The following TSPAN6 variants were observed in gnomAD, a reference collection of about 807,000 sequenced individuals.
TSPAN6 encodes the protein tetraspanin 6, also known as tetraspanin-6.
TSPAN6 carries 13 observed loss-of-function variants against 18.0 expected under a neutral mutation model. The ratio of observed to expected loss-of-function variants is 0.72; its 90% CI spans 0.47 to 1.15. The LOEUF is 1.15. Among genes scored for constraint, TSPAN6 ranks in the 50% most tolerant of loss-of-function variants. The pLI, the probability that TSPAN6 is intolerant of heterozygous loss-of-function variation, is 0.00. For missense variants in TSPAN6, 186 were observed against 183.9 expected (o/e 1.01, Z -0.07); for synonymous variants, 82 against 67.0 (o/e 1.22, Z -1.09).
At chrX:100,636,904 T>G, upstream of TSPAN6, 4 of 315,878 alleles carry the variant, frequency 1.3e-5, no homozygotes, top group Non-Finnish European at 2.2e-5. Context: ...TGCCGAAGGT[T>G]ACCGAAAACT....
intron 5 of TSPAN6, among the ~76,000 whole-genome samples, chrX:100,633,200 T>A (rs751162370): frequency 1.8e-5 from 2 of 111,058 alleles, no homozygotes; most frequent in Non-Finnish European, 3.8e-5. Flanking sequence ...GCACCTGTAG[T>A]TCCAGCTACT....
chrX:100,637,102 G>A (rs2083102028), upstream of TSPAN6: 1 of 103,474 alleles, frequency 9.7e-6, no homozygotes, highest in Non-Finnish European at 1.9e-5. Flanking sequence ...GGCCCCTGGT[G>A]CCCTAGAGAG....
At chrX:100,635,391 A>C in intron 2 of TSPAN6, 139 bp from the exon 3 acceptor site, 1 of 640,481 alleles carries the variant, frequency 1.6e-6, no homozygotes, top group Non-Finnish European at 2.4e-6. Context: ...AAATAACAAC[A>C]TGTCTATTTT....
At position 100,632,539 on chromosome X, in the gene TSPAN6, T is replaced by G; in HGVS notation, c.615A>C (p.Ile205=). The change falls in exon 6 of 8, where the codon ATA becomes ATC. Residue 205 remains isoleucine (I), a synonymous_variant. Transcript: ENST00000373020. ...CTGCAACGACTCCCATTTCTGACTC[T>G]ATAATGGTCATCACCTTTATAAAAC... is the stretch of plus-strand genomic sequence containing the variant. ...EGCFIKVMTI[I]ESEMGVVAGI... The G allele has an allele frequency of 1.7e-6, 2 of 1,208,334 alleles. No homozygotes were observed. Among genetic ancestry groups the G allele is most frequent in the Non-Finnish European group, 2.2e-6 (2 of 892,900 alleles).
chrX:100,635,886 TAGG>T, intron 1 of TSPAN6, 140 bp from the exon 2 acceptor site: 1 of 421,664 alleles, frequency 2.4e-6, no homozygotes, highest in Non-Finnish European at 3.6e-6. Context: ...TAGAAGGGGT[TAGG>T]GGGGGATCTG....
rs2083047646 is a variant in TSPAN6 at position 100,629,879 on chromosome X, T to A, written c.*147A>T. ...TGGTGTAGTTTTAGGTCTACATACA[T>A]CTTGATTGAATCAACCTACTGGTGT... is the stretch of plus-strand genomic sequence containing the variant. On this transcript the variant is annotated 3_prime_UTR_variant, in exon 8 of 8. Transcript: ENST00000373020. 2.1e-6 allele frequency: 1 copy of A among 477,630 alleles called. No homozygotes were observed. The highest frequency in any genetic ancestry group is 2.6e-6 in the Non-Finnish European group (1 of 386,537). 39.4% of individuals were successfully genotyped at this position (477,630 alleles called of 1,213,427 possible).
Position 100,628,014 on chromosome X carries a change from G to A in TSPAN6, c.*2012C>T, listed in dbSNP as rs931715345. 1.8e-5 allele frequency: 2 copies of A among 110,438 alleles called. No individual in the cohort carries two copies. Among genetic ancestry groups the A allele is most frequent in the Non-Finnish European group, 1.9e-5 (1 of 52,839 alleles). The allele number at this position is 110,438 out of a possible 1,213,427, so 9.1% of individuals were successfully genotyped here. A position where few individuals can be genotyped will look rare whatever the true frequency, so the allele number is the denominator to read the frequency against. Reference sequence around the variant, plus strand: ...TTTATTAGAGACGGTGTTTTACCATGTTGGCCAGGCTGGTCTAGAACTCCT... The same window carrying A: ...TTTATTAGAGACGGTGTTTTACCATATTGGCCAGGCTGGTCTAGAACTCCT... On this transcript the variant is annotated 3_prime_UTR_variant, in exon 8 of 8. Transcript: ENST00000373020.
At position 100,627,975 on chromosome X, in the gene TSPAN6, C is replaced by A. The variant is rs1239060423; in HGVS notation, c.*2051G>T. 9.1e-6 allele frequency: 1 copy of A among 109,849 alleles called. No individual in the cohort carries two copies. Among genetic ancestry groups the A allele is most frequent in the Non-Finnish European group, 1.9e-5 (1 of 52,687 alleles). The allele number at this position is 109,849 out of a possible 1,213,427, so 9.1% of individuals were successfully genotyped here. A position where few individuals can be genotyped will look rare whatever the true frequency, so the allele number is the denominator to read the frequency against. ...TACAGGTGCTTGCCACCACACCCAG[C>A]TAATTTTTGCATTTTTATTAGAGAC... On this transcript the variant is annotated 3_prime_UTR_variant, in exon 8 of 8. Transcript: ENST00000373020.
intron 6 of TSPAN6, chrX:100,632,100 A>C (rs1026302738): frequency 1.4e-5 from 2 of 147,255 alleles, no homozygotes; most frequent in Non-Finnish European, 2.6e-5. Context: ...GCAAAAACTT[A>C]TAAGCCTTAA....
At chrX:100,632,715 G>A (rs959876523) in intron 5 of TSPAN6, 147 bp from the exon 6 acceptor site, 56 of 436,555 alleles carry the variant, frequency 1.3e-4, no homozygotes, top group Non-Finnish European at 8.4e-5. Context: ...GCAGAAAGAT[G>A]TATGTATCAT....
At chrX:100,635,335 C>A in intron 2 of TSPAN6, 83 bp from the exon 3 acceptor site, 1 of 762,587 alleles carries the variant, frequency 1.3e-6, no homozygotes, top group South Asian at 2.6e-5. Context: ...AAATAATGGT[C>A]GTCTTCTCAA....
chrX:100,636,815 C>T, upstream of TSPAN6: 15 of 776,746 alleles, frequency 1.9e-5, no homozygotes, highest in South Asian at 1.2e-4. Context: ...CTGAGAAGGG[C>T]CGGAAACACT....
chrX:100,632,639 A>G, intron 5 of TSPAN6, 71 bp from the exon 6 acceptor site: 2 of 669,612 alleles, frequency 3.0e-6, no homozygotes, highest in African/African-American at 2.2e-5. Flanking sequence ...GGTAATAAAT[A>G]CTTCGATCAT....
Position 100,636,804 on chromosome X carries a change from A to C in TSPAN6, c.-110T>G. ...TGCCGAAAACTTACGAGCGTCCACA[A>C]CTGAGAAGGGCCGGAAACACTGTAC... On this transcript the variant is annotated 5_prime_UTR_variant, in exon 1 of 8. Coordinates refer to ENST00000373020, the MANE Select transcript of TSPAN6 (RefSeq NM_003270.4). The C allele has an allele frequency of 2.4e-6, 2 of 836,636 alleles. No homozygotes were observed. Among genetic ancestry groups the C allele is most frequent in the Non-Finnish European group, 3.2e-6 (2 of 615,883 alleles). The allele number at this position is 836,636 out of a possible 1,213,427, so 68.9% of individuals were successfully genotyped here.
At chrX:100,631,769 C>G (rs1360904932) in intron 6 of TSPAN6, among the ~76,000 whole-genome samples, 2 of 112,225 alleles carry the variant, frequency 1.8e-5, no homozygotes, top group Non-Finnish European at 1.9e-5. Context: ...AGCTATGATA[C>G]TGGAAAGTTG....
In TSPAN6 at chrX:100,629,137, G is replaced by A. The variant is rs1423412627; in HGVS notation, c.*889C>T. ...AATATTGACAAGTCATATCAACCTGGTACCAGCTAAATTTAATGAAGATAA... is the reference window on the plus strand; with the variant it reads ...AATATTGACAAGTCATATCAACCTGATACCAGCTAAATTTAATGAAGATAA... On this transcript the variant is annotated 3_prime_UTR_variant, in exon 8 of 8. Transcript: ENST00000373020. 8.9e-6 allele frequency: 1 copy of A among 111,979 alleles called. No homozygotes were observed. Among genetic ancestry groups the A allele is most frequent in the Non-Finnish European group, 1.9e-5 (1 of 53,214 alleles). The allele number at this position is 111,979 out of a possible 1,213,427, so 9.2% of individuals were successfully genotyped here.
intron 6 of TSPAN6, 57 bp from the exon 7 acceptor site, chrX:100,630,923 A>G: frequency 1.1e-6 from 1 of 892,902 alleles, no homozygotes; most frequent in Non-Finnish European, 1.6e-6. Context: ...TGAACACCTC[A>G]GACTATATTC....
intron 1 of TSPAN6, chrX:100,636,211 A>T: frequency 1.3e-6 from 1 of 796,340 alleles, no homozygotes; most frequent in East Asian, 1.1e-4. Context: ...CTCCTCTCTT[A>T]CGAAGCAGTG....
At chrX:100,636,557 C>T in intron 1 of TSPAN6, 51 bp downstream of exon 1, 2 of 1,158,917 alleles carry the variant, frequency 1.7e-6, no homozygotes, top group African/African-American at 1.8e-5. Context: ...ACACCCCCCA[C>T]AACTAAAAGC....
Sources: allele counts gnomAD v4.1 joint callset (sites outside exome capture counted in the v4.1 genomes callset), GRCh38; gene constraint gnomAD v4.1.1; transcripts MANE v1.5; gene names NCBI Gene and HGNC (gene_info 2026-07-23, HGNC 2026-07-21).